Variants in CACNB4 observed in about 807,000 individuals in gnomAD.
CACNB4 encodes voltage-dependent L-type calcium channel subunit beta-4.
In CACNB4, 32 loss-of-function variants were observed where a neutral mutation model predicts 71.2. That is an observed-to-expected ratio of 0.45 (90% CI 0.34 to 0.60). The LOEUF (loss-of-function observed/expected upper bound fraction) is 0.60. Among genes scored for constraint, CACNB4 ranks in the 20% least tolerant of loss-of-function variants. The pLI is 0.01. For missense variants in CACNB4, 464 were observed against 647.9 expected (o/e 0.72, Z 3.08); for synonymous variants, 231 against 236.9 (o/e 0.97, Z 0.23).
chr2:151,948,396 C>T (rs2099866095), intron 2 of CACNB4, among the ~76,000 whole-genome samples: 1 of 152,194 alleles, frequency 6.6e-6, no homozygotes, highest in Non-Finnish European at 1.5e-5. Context: ...TGCAGTGGTT[C>T]ATGCCTGTAA....
intron 5 of CACNB4, chr2:151,873,601 T>G (rs2099845159): frequency 6.6e-6 from 1 of 152,090 alleles, no homozygotes; most frequent in Non-Finnish European, 1.5e-5. Context: ...GGTACAATTT[T>G]AAATACAATT....
chr2:151,983,901 A>G (rs1029022810), intron 2 of CACNB4, among the ~76,000 whole-genome samples: 6 of 152,152 alleles, frequency 3.9e-5, no homozygotes, highest in African/African-American at 1.2e-4. Flanking sequence ...TATAAATACT[A>G]CCTGACCCTC....
intron 2 of CACNB4, among the ~76,000 whole-genome samples, chr2:151,998,652 C>T (rs1041384624): frequency 4.6e-5 from 7 of 152,204 alleles, no homozygotes; most frequent in African/African-American, 1.2e-4. Context: ...CTCCCCTCCA[C>T]GGGGGCACTA....
At chr2:151,909,925 A>T (rs1172436633) in intron 2 of CACNB4, among the ~76,000 whole-genome samples, 1 of 152,056 alleles carries the variant, frequency 6.6e-6, no homozygotes, top group Admixed American at 6.5e-5. Flanking sequence ...ATCAAATGGT[A>T]TTTCTGGTTC....
At chr2:152,041,082 C>T (rs1047196723) in intron 2 of CACNB4, among the ~76,000 whole-genome samples, 1 of 152,200 alleles carries the variant, frequency 6.6e-6, no homozygotes, top group African/African-American at 2.4e-5. Context: ...GGGAGAAACA[C>T]CATTAGGCCA....
At chr2:152,094,269 A>G (rs1157576888) in intron 2 of CACNB4, among the ~76,000 whole-genome samples, 1 of 152,212 alleles carries the variant, frequency 6.6e-6, no homozygotes, top group African/African-American at 2.4e-5. Flanking sequence ...GGCAGAAGGA[A>G]GGACAACAAC....
At chr2:152,036,406 G>T (rs1364965985) in intron 2 of CACNB4, among the ~76,000 whole-genome samples, 4 of 152,112 alleles carry the variant, frequency 2.6e-5, no homozygotes, top group Non-Finnish European at 5.9e-5. Context: ...TTCAAGCAAT[G>T]CTCTTGCCTC....
At chr2:151,976,232 C>T (rs2099873776) in intron 2 of CACNB4, among the ~76,000 whole-genome samples, 1 of 152,210 alleles carries the variant, frequency 6.6e-6, no homozygotes, top group African/African-American at 2.4e-5. Flanking sequence ...CAGAAATGTG[C>T]TGGACTCAGA....
chr2:151,924,117 C>G (rs532074948), intron 2 of CACNB4, among the ~76,000 whole-genome samples: 1 of 115,642 alleles, frequency 8.6e-6, no homozygotes, highest in Non-Finnish European at 1.6e-5. Flanking sequence ...CTCGCTCTGT[C>G]GCCCAGGCTG....
chr2:151,883,246 C>CT lies in CACNB4; in HGVS notation c.267+4dup. ...TTTGAGCCAAAGAGAAGGAAAGAGA[C>CT]TCACCTTTGCTCTCTCAAGCTGGAT... On this transcript the variant is annotated splice_donor_region_variant and intron_variant, in intron 3 of 13. Coordinates refer to ENST00000539935, the MANE Select transcript of CACNB4 (RefSeq NM_000726.5). 2 of 1,613,912 alleles carry CT rather than the reference C, an allele frequency of 1.2e-6. No individual in the cohort carries two copies. Among genetic ancestry groups the CT allele is most frequent in the Non-Finnish European group, 1.7e-6 (2 of 1,179,818 alleles).
intron 2 of CACNB4, among the ~76,000 whole-genome samples, chr2:152,001,514 C>A (rs1191045617): frequency 1.0e-5 from 1 of 98,288 alleles, no homozygotes; most frequent in Non-Finnish European, 1.9e-5. Flanking sequence ...CATGGTGAAA[C>A]CCCATCTCTA....
chr2:152,057,310 C>T (rs1033811632), intron 2 of CACNB4, among the ~76,000 whole-genome samples: 11 of 152,310 alleles, frequency 7.2e-5, no homozygotes, highest in Admixed American at 5.9e-4. Flanking sequence ...CTGACACCCT[C>T]ATTGCAGCCT....
intron 2 of CACNB4, among the ~76,000 whole-genome samples, chr2:151,915,844 T>C (rs1278088279): frequency 2.5e-4 from 10 of 39,292 alleles, no homozygotes; most frequent in African/African-American, 7.3e-4. Flanking sequence ...CGAAGCTCCA[T>C]CTCAAAAAAA....
At chr2:152,022,699 T>C (rs1373449491) in intron 2 of CACNB4, among the ~76,000 whole-genome samples, 1 of 152,200 alleles carries the variant, frequency 6.6e-6, no homozygotes, top group African/African-American at 2.4e-5. Context: ...CTTAGACTCT[T>C]GGTATGATTT....
intron 2 of CACNB4, among the ~76,000 whole-genome samples, chr2:151,909,184 C>T (rs2099855546): frequency 1.3e-5 from 2 of 150,092 alleles, no homozygotes; most frequent in Admixed American, 1.3e-4. Context: ...ATTCCCAGCA[C>T]TTTGGGAGGC....
intron 9 of CACNB4, chr2:151,861,851 A>AAAAAAAAAAC (rs201014643): frequency 2.2e-5 from 3 of 135,288 alleles, no homozygotes; most frequent in African/African-American, 5.8e-5. Flanking sequence ...TCAAAAAAAA[A>AAAAAAAAAAC]AAAAAAACTG....
intron 2 of CACNB4, among the ~76,000 whole-genome samples, chr2:152,037,473 A>T (rs1684656683): frequency 6.6e-6 from 1 of 152,174 alleles, no homozygotes; most frequent in Non-Finnish European, 1.5e-5. Context: ...ATCTACTTAC[A>T]CCCTGCTTCT....
At chr2:152,053,827 G>C (rs1401184180) in intron 2 of CACNB4, among the ~76,000 whole-genome samples, 1 of 151,988 alleles carries the variant, frequency 6.6e-6, no homozygotes, top group Non-Finnish European at 1.5e-5. Context: ...ACCTGGCCCT[G>C]CTCCAGCAAA....
intron 2 of CACNB4, among the ~76,000 whole-genome samples, chr2:151,978,474 G>A (rs888629629): frequency 6.6e-6 from 1 of 152,138 alleles, no homozygotes; most frequent in African/African-American, 2.4e-5. Flanking sequence ...CCTGGAGCCA[G>A]ACTGCCTGCA....
Sources: gnomAD v4.1 joint callset for allele counts (sites outside exome capture counted in the v4.1 genomes callset) on GRCh38, gnomAD v4.1.1 for gene constraint, MANE v1.5 for transcripts, NCBI Gene and HGNC (gene_info 2026-07-23, HGNC 2026-07-21) for gene names.